ZFAT: variants seen among roughly 807,000 people sequenced by gnomAD.
The protein encoded by ZFAT is zinc finger protein ZFAT.
Under a neutral mutation model 117.7 loss-of-function variants are expected in ZFAT, and 64 were observed. The ratio of observed to expected loss-of-function variants is 0.54; its 90% CI spans 0.44 to 0.67. The LOEUF is 0.67. Among genes scored for constraint, ZFAT ranks in the 30% least tolerant of loss-of-function variants. The pLI is 0.00. For synonymous variants in ZFAT, 679 were observed against 615.0 expected (o/e 1.10, Z -1.54); for missense variants, 1,433 against 1,584.5 (o/e 0.90, Z 1.62).
At chr8:134,719,850 G>C in the ZFAT span, among the ~76,000 whole-genome samples, 5 of 152,166 alleles carry the variant, frequency 3.3e-5, no homozygotes, top group Admixed American at 1.3e-4. Context: ...GCCGTTTTTG[G>C]AAAGGCCAAC....
chr8:134,486,064 T>C (rs1817633196), intron 15 of ZFAT, among the ~76,000 whole-genome samples: 2 of 152,124 alleles, frequency 1.3e-5, no homozygotes, highest in Admixed American at 1.3e-4. Context: ...TGAACTTAGC[T>C]CTCAACACAT....
chr8:134,790,165 TA>T, the ZFAT span, among the ~76,000 whole-genome samples: 14 of 152,214 alleles, frequency 9.2e-5, no homozygotes, highest in South Asian at 2.9e-3. Flanking sequence ...AATAGCAGAG[TA>T]ACACATACCA....
At chr8:134,598,521 C>A (rs1215526375) in intron 7 of ZFAT, 2 of 152,260 alleles carry the variant, frequency 1.3e-5, no homozygotes, top group Non-Finnish European at 2.9e-5. Context: ...TGACACTCCC[C>A]CACTGATCAT....
chr8:134,826,423 A>C, the ZFAT span, among the ~76,000 whole-genome samples: 1 of 152,242 alleles, frequency 6.6e-6, no homozygotes, highest in Non-Finnish European at 1.5e-5. Flanking sequence ...AGTTCCACAG[A>C]AACATGTAAA....
chr8:134,578,515 C>A (rs897577300), intron 10 of ZFAT, among the ~76,000 whole-genome samples: 4 of 151,222 alleles, frequency 2.6e-5, no homozygotes, highest in South Asian at 4.2e-4. Flanking sequence ...TCAAGCAGGT[C>A]ATGGTGAGGA....
intron 7 of ZFAT, among the ~76,000 whole-genome samples, chr8:134,596,677 C>T (rs1826964041): frequency 6.6e-6 from 1 of 152,098 alleles, no homozygotes; most frequent in Non-Finnish European, 1.5e-5. Context: ...TGATGAAATG[C>T]AGTGTATCCA....
At chr8:134,782,232 A>C in the ZFAT span, among the ~76,000 whole-genome samples, 6 of 152,334 alleles carry the variant, frequency 3.9e-5, no homozygotes, top group South Asian at 1.2e-3. Flanking sequence ...TACTCATGTA[A>C]TCTCTCAATG....
chr8:134,638,845 G>A (rs1459864034), intron 2 of ZFAT, among the ~76,000 whole-genome samples: 2 of 152,140 alleles, frequency 1.3e-5, no homozygotes, highest in African/African-American at 2.4e-5. Flanking sequence ...CCCTGAGCGA[G>A]ACCAAGCAGA....
At chr8:134,764,575 A>G in the ZFAT span, among the ~76,000 whole-genome samples, 1 of 152,380 alleles carries the variant, frequency 6.6e-6, no homozygotes, top group East Asian at 1.9e-4. Context: ...TATTAGAGAC[A>G]ATAGGAATAC....
At chr8:134,534,056 G>T (rs1361328398) in intron 11 of ZFAT, among the ~76,000 whole-genome samples, 1 of 152,230 alleles carries the variant, frequency 6.6e-6, no homozygotes, top group Non-Finnish European at 1.5e-5. Flanking sequence ...TCTGCCTGGT[G>T]CAGGGGACTC....
chr8:134,546,130 G>A (rs919007835), intron 11 of ZFAT, among the ~76,000 whole-genome samples: 3 of 152,182 alleles, frequency 2.0e-5, no homozygotes, highest in African/African-American at 4.8e-5. Context: ...TCTTTCATCT[G>A]TGTGATAAAA....
the ZFAT span, among the ~76,000 whole-genome samples, chr8:134,762,420 A>C: frequency 1.3e-5 from 2 of 152,150 alleles, no homozygotes; most frequent in Non-Finnish European, 2.9e-5. Flanking sequence ...CAATGGTCAA[A>C]TCTCACCTTA....
chr8:134,615,748 C>T (rs565448509), intron 3 of ZFAT, among the ~76,000 whole-genome samples: 40 of 152,360 alleles, frequency 2.6e-4, no homozygotes, highest in Middle Eastern at 3.4e-3. Flanking sequence ...CCTCATGCAA[C>T]GTGGATCCAC....
intron 1 of ZFAT, among the ~76,000 whole-genome samples, chr8:134,672,179 C>G (rs62525604): frequency 0.16 from 24,564 of 151,542 alleles, 1,832 homozygotes; most frequent in Non-Finnish European, 0.22. Flanking sequence ...GCCATACTGC[C>G]CAAGGTAATT....
chr8:134,735,932 A>G, the ZFAT span, among the ~76,000 whole-genome samples: 4 of 152,230 alleles, frequency 2.6e-5, no homozygotes, highest in Admixed American at 2.6e-4. Flanking sequence ...TATTACCTGT[A>G]AATCCATCAT....
intron 13 of ZFAT, among the ~76,000 whole-genome samples, chr8:134,515,051 A>T (rs1820154822): frequency 6.6e-6 from 1 of 152,098 alleles, no homozygotes. Context: ...GAGTGAGAAC[A>T]TGTAGTGTTT....
the ZFAT span, among the ~76,000 whole-genome samples, chr8:134,773,565 G>C: frequency 1.3e-5 from 2 of 152,190 alleles, no homozygotes; most frequent in African/African-American, 2.4e-5. Context: ...CCTCTGATGG[G>C]TCTGGGGAAA....
the ZFAT span, among the ~76,000 whole-genome samples, chr8:134,829,656 C>T: frequency 6.6e-6 from 1 of 152,216 alleles, no homozygotes; most frequent in Non-Finnish European, 1.5e-5. Flanking sequence ...AAAATTCTCA[C>T]ATAATATAAC....
At chr8:134,644,101 TCGCC>T (rs1366268180) in intron 2 of ZFAT, among the ~76,000 whole-genome samples, 1 of 152,184 alleles carries the variant, frequency 6.6e-6, no homozygotes, top group Non-Finnish European at 1.5e-5. Flanking sequence ...GCAGAGGCAC[TCGCC>T]CTGCTGCACT....
Sources: gnomAD v4.1 joint callset for allele counts (sites outside exome capture counted in the v4.1 genomes callset) on GRCh38, gnomAD v4.1.1 for gene constraint, MANE v1.5 for transcripts, NCBI Gene and HGNC (gene_info 2026-07-23, HGNC 2026-07-21) for gene names.